Variants in GALNT13 observed in about 807,000 individuals in gnomAD.
GALNT13 encodes the protein polypeptide N-acetylgalactosaminyltransferase 13, also known as UDP-GalNAc:polypeptide N-acetylgalactosaminyltransferase 13.
GALNT13 carries 28 observed loss-of-function variants against 64.2 expected under a neutral mutation model. The observed-to-expected ratio is 0.44, with a 90% CI of 0.32 to 0.60. GALNT13 has a LOEUF of 0.60. GALNT13 is among the 20% of genes least tolerant of loss of function. The probability of loss-of-function intolerance (pLI) is 0.05; values close to 1 mark genes in which losing one functional copy is unlikely to be tolerated. For synonymous variants in GALNT13, 214 were observed against 224.6 expected (o/e 0.95, Z 0.42); for missense variants, 577 against 669.8 (o/e 0.86, Z 1.53).
chr2:154,019,633 C>T (rs1456999674), intron 3 of GALNT13, among the ~76,000 whole-genome samples: 3 of 149,146 alleles, frequency 2.0e-5, no homozygotes, highest in Non-Finnish European at 4.5e-5. Context: ...CACACACACA[C>T]ACACACACAC....
chr2:154,405,410 T>C (rs1337299916), intron 10 of GALNT13, among the ~76,000 whole-genome samples: 1 of 151,818 alleles, frequency 6.6e-6, no homozygotes, highest in African/African-American at 2.4e-5. Flanking sequence ...ACCAAAAATA[T>C]TAGGATTTCC....
intron 8 of GALNT13, among the ~76,000 whole-genome samples, chr2:154,280,302 A>G (rs906243161): frequency 1.3e-5 from 2 of 152,106 alleles, no homozygotes; most frequent in African/African-American, 4.8e-5. Context: ...GCTACTAGAG[A>G]GCTATGTATT....
At chr2:153,504,600 C>A in the GALNT13 span, among the ~76,000 whole-genome samples, 1 of 152,106 alleles carries the variant, frequency 6.6e-6, no homozygotes, top group Non-Finnish European at 1.5e-5. Flanking sequence ...TAAACGGATG[C>A]TGGATTTTGT....
At chr2:153,710,608 G>C in the GALNT13 span, among the ~76,000 whole-genome samples, 1 of 152,012 alleles carries the variant, frequency 6.6e-6, no homozygotes, top group African/African-American at 2.4e-5. Context: ...TGTATATTTT[G>C]ATTTCCCTAT....
intron 9 of GALNT13, among the ~76,000 whole-genome samples, chr2:154,392,858 G>A (rs1344535182): frequency 6.7e-6 from 1 of 149,494 alleles, no homozygotes; most frequent in Non-Finnish European, 1.5e-5. Context: ...CAATGCTAGT[G>A]TAAGCAAGAG....
chr2:153,600,220 C>T, the GALNT13 span, among the ~76,000 whole-genome samples: 2 of 151,902 alleles, frequency 1.3e-5, no homozygotes, highest in African/African-American at 4.8e-5. Context: ...TTATTTTTGT[C>T]TATCTTGGAT....
intron 4 of GALNT13, among the ~76,000 whole-genome samples, chr2:154,143,419 G>A (rs1027399182): frequency 6.6e-6 from 1 of 151,376 alleles, no homozygotes; most frequent in Non-Finnish European, 1.5e-5. Flanking sequence ...CAGAAAACTA[G>A]GTAAACACTA....
chr2:153,115,130 G>A, the GALNT13 span, among the ~76,000 whole-genome samples: 1 of 151,938 alleles, frequency 6.6e-6, no homozygotes, highest in South Asian at 2.1e-4. Context: ...TCCAGGTAAA[G>A]GCTTGGCCTC....
the GALNT13 span, among the ~76,000 whole-genome samples, chr2:153,603,842 G>A: frequency 6.6e-6 from 1 of 151,976 alleles, no homozygotes; most frequent in Non-Finnish European, 1.5e-5. Flanking sequence ...GTGGCTCAAA[G>A]AGTCTTGTTT....
the GALNT13 span, among the ~76,000 whole-genome samples, chr2:153,817,915 G>T: frequency 6.6e-6 from 1 of 152,124 alleles, no homozygotes. Context: ...GGTTCAAGCT[G>T]GCTGACTAGA....
At chr2:154,375,484 C>G (rs1195929089) in intron 9 of GALNT13, among the ~76,000 whole-genome samples, 2 of 152,080 alleles carry the variant, frequency 1.3e-5, no homozygotes, top group Non-Finnish European at 2.9e-5. Flanking sequence ...TCATTGGGCG[C>G]TTGCTTCCAA....
intron 4 of GALNT13, among the ~76,000 whole-genome samples, chr2:154,211,616 G>T: frequency 1.3e-5 from 1 of 75,218 alleles, no homozygotes; most frequent in South Asian, 5.1e-4. Flanking sequence ...CAACAAGAGC[G>T]AAACTCCATC....
chr2:154,027,121 TA>T, intron 3 of GALNT13, among the ~76,000 whole-genome samples: 2 of 152,320 alleles, frequency 1.3e-5, no homozygotes, highest in Admixed American at 1.3e-4. Flanking sequence ...ATATTCTTTT[TA>T]CCTATCTAAA....
intron 11 of GALNT13, among the ~76,000 whole-genome samples, chr2:154,412,598 A>G (rs1459755829): frequency 1.3e-5 from 2 of 151,500 alleles, no homozygotes; most frequent in African/African-American, 4.8e-5. Flanking sequence ...TTCTCCTTGC[A>G]TAGGAGTTTT....
the GALNT13 span, among the ~76,000 whole-genome samples, chr2:153,401,353 G>A: frequency 2.0e-5 from 3 of 151,996 alleles, no homozygotes; most frequent in East Asian, 1.9e-4. Context: ...CAAGTAAGTG[G>A]TCAATTTTGG....
chr2:154,246,737 A>G (rs1303434721), intron 7 of GALNT13, among the ~76,000 whole-genome samples: 1 of 152,078 alleles, frequency 6.6e-6, no homozygotes, highest in Non-Finnish European at 1.5e-5. Flanking sequence ...CCTTTGGAAC[A>G]TGAGAGAAAT....
chr2:153,274,021 T>C, the GALNT13 span, among the ~76,000 whole-genome samples: 474 of 152,266 alleles, frequency 3.1e-3, 1 homozygote, highest in African/African-American at 0.011. Flanking sequence ...GTAATTGACT[T>C]AAATGTTGTT....
At chr2:153,340,297 C>CTTTA in the GALNT13 span, among the ~76,000 whole-genome samples, 78 of 151,448 alleles carry the variant, frequency 5.2e-4, no homozygotes, top group African/African-American at 1.5e-3. Flanking sequence ...CCTTTTGTAT[C>CTTTA]TTTATTTATT....
chr2:153,127,257 C>T, the GALNT13 span, among the ~76,000 whole-genome samples: 37 of 152,134 alleles, frequency 2.4e-4, no homozygotes, highest in Admixed American at 2.4e-3. Context: ...GTTCCTGAAC[C>T]TTAGTAATTG....
Sources: allele counts gnomAD v4.1 joint callset (sites outside exome capture counted in the v4.1 genomes callset), GRCh38; gene constraint gnomAD v4.1.1; transcripts MANE v1.5; gene names NCBI Gene and HGNC (gene_info 2026-07-23, HGNC 2026-07-21).